Variants in DDI2 observed in about 807,000 individuals in gnomAD.
DDI2 encodes protein DDI1 homolog 2.
In DDI2, 5 loss-of-function variants were observed where a neutral mutation model predicts 48.1. The ratio of observed to expected loss-of-function variants is 0.10; its 90% CI spans 0.05 to 0.22. The LOEUF (loss-of-function observed/expected upper bound fraction) is 0.22, where lower values mean the gene tolerates loss of function less well. Among genes scored for constraint, DDI2 ranks in the 10% least tolerant of loss-of-function variants. The probability of loss-of-function intolerance (pLI) is 1.00; values close to 1 mark genes in which losing one functional copy is unlikely to be tolerated. For synonymous variants in DDI2, 205 were observed against 183.6 expected (o/e 1.12, Z -0.94); for missense variants, 285 against 506.2 (o/e 0.56, Z 4.19).
At position 15,621,501 on chromosome 1, in the gene DDI2, C is replaced by G. The variant is rs549298637; in HGVS notation, c.138+3693C>G. Reference sequence around the variant, plus strand: ...CTGGGCTCAAGTGATCCTTCCACCTCAGCCTCCTAAGTAGCTGGGACTACA... The same window carrying G: ...CTGGGCTCAAGTGATCCTTCCACCTGAGCCTCCTAAGTAGCTGGGACTACA... On this transcript the variant is annotated intron_variant, in intron 1 of 9. Transcript: ENST00000480945. Among the ~76,000 whole-genome samples the G allele has an allele frequency of 5.3e-5, 8 of 152,144 alleles. No homozygotes were observed. The East Asian group carries it at 1.4e-3, about 26-fold the overall frequency.
At position 15,623,294 on chromosome 1, in the gene DDI2, GC is replaced by G. The variant is rs567386861; in HGVS notation, c.139-3373del. Among the ~76,000 whole-genome samples, 86 of 151,918 alleles carry G rather than the reference GC, an allele frequency of 5.7e-4. 2 individuals carry two copies. The South Asian group carries it at 0.017, about 30-fold the overall frequency. On this transcript the variant is annotated intron_variant, in intron 1 of 9. Coordinates refer to ENST00000480945, the MANE Select transcript of DDI2 (RefSeq NM_032341.5). The stretch of plus-strand genomic sequence containing the variant: ...TAAAATCACCCAGCTAATTCACCAG[GC>G]CACTTTAGGGTTATGTTCGGGAAAG...
intron 3 of DDI2, 26 bp from the exon 4 acceptor site, chr1:15,633,413 A>C (rs1208403375): frequency 6.2e-7 from 1 of 1,607,456 alleles, no homozygotes; most frequent in Non-Finnish European, 8.5e-7. Flanking sequence ...AGTGATATTT[A>C]AGATTTTTCT....
rs1466896694 is a variant in DDI2, at chr1:15,665,614, T to TA, written c.*5825dup. ...ATATGTGTGTAAGCTAGCATATACA[T>TA]ATGGTGATTGACAAGTATAGTTAAT... On this transcript the variant is annotated 3_prime_UTR_variant, in exon 10 of 10. Transcript: ENST00000480945. The TA allele has an allele frequency of 1.3e-5, 2 of 152,216 alleles. No homozygotes were observed. The highest frequency in any genetic ancestry group is 2.9e-5 in the Non-Finnish European group (2 of 68,040). 9.4% of individuals were successfully genotyped at this position (152,216 alleles called of 1,614,324 possible).
rs144378011 is a variant in DDI2 at position 15,661,157 on chromosome 1, C to G, written c.*1367C>G. On this transcript the variant is annotated 3_prime_UTR_variant, in exon 10 of 10. Coordinates refer to ENST00000480945, the MANE Select transcript of DDI2 (RefSeq NM_032341.5). ...GTATCAGTGGAGACAGAAAAATTAA[C>G]AGGTACTTCATCTGACACTGGAAGA... 7.9e-5 allele frequency: 128 copies of G among 1,614,044 alleles called. No homozygotes were observed. The African/African-American group carries it at 1.5e-3, about 19-fold the overall frequency.
intron 6 of DDI2, among the ~76,000 whole-genome samples, chr1:15,648,351 G>A (rs1640122334): frequency 6.6e-6 from 1 of 152,170 alleles, no homozygotes; most frequent in African/African-American, 2.4e-5. Context: ...TATAGCAATA[G>A]GGGAAACCTA....
chr1:15,651,980 TC>T (rs999112558), intron 8 of DDI2, 85 bp downstream of exon 8: 1 of 1,386,384 alleles, frequency 7.2e-7, no homozygotes, highest in African/African-American at 1.5e-5. Context: ...TAGGAACCTT[TC>T]CAGTTTTTAA....
chr1:15,618,441 T>C (rs993241624), intron 1 of DDI2, among the ~76,000 whole-genome samples: 1 of 152,150 alleles, frequency 6.6e-6, no homozygotes, highest in Non-Finnish European at 1.5e-5. Context: ...ACAGTACCTA[T>C]TGGTTCAACT....
chr1:15,659,818 T>G lies in DDI2; in HGVS notation c.*47-19T>G, dbSNP rs761592848. ...CACCTGCTAATTAATCTTTTTCCTT[T>G]CCCCTGTGTTCCATATAGAGAAAAG... is the stretch of plus-strand genomic sequence containing the variant. On this transcript the variant is annotated intron_variant, in intron 9 of 9. Transcript: ENST00000480945. 6.7e-7 allele frequency: 1 copy of G among 1,490,540 alleles called. No homozygotes were observed. Among genetic ancestry groups the G allele is most frequent in the African/African-American group, 1.4e-5 (1 of 71,434 alleles). The allele number at this position is 1,490,540 out of a possible 1,614,324, so 92.3% of individuals were successfully genotyped here. A position where few individuals can be genotyped will look rare whatever the true frequency, so the allele number is the denominator to read the frequency against.
At chr1:15,624,290 G>C (rs1461660821) in intron 1 of DDI2, among the ~76,000 whole-genome samples, 1 of 152,072 alleles carries the variant, frequency 6.6e-6, no homozygotes, top group African/African-American at 2.4e-5. Context: ...ATCACTTCTG[G>C]TTTATGTGTT....
At chr1:15,636,782 G>T (rs765126799) in intron 4 of DDI2, among the ~76,000 whole-genome samples, 1 of 152,230 alleles carries the variant, frequency 6.6e-6, no homozygotes, top group Non-Finnish European at 1.5e-5. Flanking sequence ...CTATAAATGG[G>T]CAGATAGTAA....
Position 15,661,730 on chromosome 1 carries a change from A to C in DDI2, c.*1940A>C. On this transcript the variant is annotated 3_prime_UTR_variant, in exon 10 of 10. Coordinates refer to ENST00000480945, the MANE Select transcript of DDI2 (RefSeq NM_032341.5). Reference sequence around the variant, plus strand: ...ATCGTAGTTCCTACATGACTGTGGGAAAGTGGGCTAGACCGTTCTCCATTC... The same window carrying C: ...ATCGTAGTTCCTACATGACTGTGGGCAAGTGGGCTAGACCGTTCTCCATTC... The C allele has an allele frequency of 6.3e-7, 1 of 1,599,418 alleles. No homozygotes were observed. The highest frequency in any genetic ancestry group is 8.5e-7 in the Non-Finnish European group (1 of 1,171,760).
At chr1:15,642,702 T>C (rs1640029369) in intron 5 of DDI2, among the ~76,000 whole-genome samples, 1 of 152,148 alleles carries the variant, frequency 6.6e-6, no homozygotes, top group Admixed American at 6.5e-5. Flanking sequence ...GGTGGGCAGA[T>C]CACTTGAGGT....
chr1:15,639,941 G>T (rs200575547), intron 5 of DDI2, among the ~76,000 whole-genome samples: 2 of 151,950 alleles, frequency 1.3e-5, no homozygotes, highest in African/African-American at 4.8e-5. Flanking sequence ...CTGTGGTGAC[G>T]GCAGAGGTCA....
chr1:15,644,738 C>A (rs965793966), intron 6 of DDI2, among the ~76,000 whole-genome samples: 3 of 150,424 alleles, frequency 2.0e-5, no homozygotes, highest in Admixed American at 6.6e-5. Context: ...GGACTACAGG[C>A]GCCCGCCACC....
intron 3 of DDI2, among the ~76,000 whole-genome samples, chr1:15,631,086 G>A (rs887897121): frequency 3.6e-4 from 55 of 152,194 alleles, no homozygotes; most frequent in African/African-American, 9.4e-4. Context: ...CTCGTGATCC[G>A]CCTGCCTCGG....
chr1:15,660,534 A>T lies in DDI2; in HGVS notation c.*744A>T. Reference sequence around the variant, plus strand: ...CTACGATGAAAGGAAATGGGCTCCCACAGAATGTGGATCCTCCAAGTGCGA... The same window carrying T: ...CTACGATGAAAGGAAATGGGCTCCCTCAGAATGTGGATCCTCCAAGTGCGA... On this transcript the variant is annotated 3_prime_UTR_variant, in exon 10 of 10. Transcript: ENST00000480945. 6.2e-7 allele frequency: 1 copy of T among 1,613,280 alleles called. No homozygotes were observed. Among genetic ancestry groups the T allele is most frequent in the East Asian group, 2.2e-5 (1 of 44,884 alleles).
At position 15,663,787 on chromosome 1, in the gene DDI2, A is replaced by T. The variant is rs1640413650; in HGVS notation, c.*3997A>T. The T allele has an allele frequency of 6.8e-6, 1 of 146,204 alleles. No individual in the cohort carries two copies. The highest frequency in any genetic ancestry group is 2.3e-4 in the South Asian group (1 of 4,320). 9.1% of individuals were successfully genotyped at this position (146,204 alleles called of 1,614,324 possible). A position where few individuals can be genotyped will look rare whatever the true frequency, so the allele number is the denominator to read the frequency against. ...TCTAAGCTTATAAATCTTTGGAACC[A>T]CGGGGTGGGAAGGGTGGGGGAACTT... On this transcript the variant is annotated 3_prime_UTR_variant, in exon 10 of 10. Transcript: ENST00000480945.
At position 15,630,414 on chromosome 1, in the gene DDI2, T is replaced by C; in HGVS notation, c.358T>C (p.Ser120Pro). Reference sequence around the variant, plus strand: ...GCCACCAGGAACACAGCAGTCCCACTCATCTCCTGGAGAAATAACTTCATC... The same window carrying C: ...GCCACCAGGAACACAGCAGTCCCACCCATCTCCTGGAGAAATAACTTCATC... ...RQPPGTQQSH[S>P]SPGEITSSPQ... is the part of the protein sequence containing the mutation. The change falls in exon 3 of 10, where the codon TCA becomes CCA. Residue 120 changes from serine (S) to proline (P), a missense_variant. Ser to Pro is a moderately conservative substitution (Grantham distance 74). Transcript: ENST00000480945. 1 of 1,614,192 alleles carries C rather than the reference T, an allele frequency of 6.2e-7. No homozygotes were observed. The highest frequency in any genetic ancestry group is 8.5e-7 in the Non-Finnish European group (1 of 1,180,040).
Position 15,617,507 on chromosome 1 carries a change from G to T in DDI2, c.-164G>T. On this transcript the variant is annotated 5_prime_UTR_variant, in exon 1 of 10. Transcript: ENST00000480945. ...GCGGCCGTGCTTGCTAGTGAGGGCG[G>T]GAGGGAGTGACTCACTGAGCGTGTG... 2.3e-6 allele frequency: 1 copy of T among 441,026 alleles called. No individual in the cohort carries two copies. The allele number at this position is 441,026 out of a possible 1,614,324, so 27.3% of individuals were successfully genotyped here.
Sources: allele counts gnomAD v4.1 joint callset (sites outside exome capture counted in the v4.1 genomes callset), GRCh38; gene constraint gnomAD v4.1.1; transcripts MANE v1.5; gene names NCBI Gene and HGNC (gene_info 2026-07-23, HGNC 2026-07-21).